The following APP variants were observed in gnomAD, a reference collection of about 807,000 sequenced individuals.
APP encodes the protein amyloid beta precursor protein.
Under a neutral mutation model 101.4 loss-of-function variants are expected in APP, and 31 were observed. That is an observed-to-expected ratio of 0.31 (90% CI 0.23 to 0.41). The LOEUF (loss-of-function observed/expected upper bound fraction) is 0.41. Ranked by LOEUF, APP falls within the 10% of genes least tolerant of loss-of-function variation. The pLI is 1.00. For missense variants in APP, 839 were observed against 1,003.7 expected, an observed-to-expected ratio of 0.84 and a Z score of 2.22; for synonymous variants, 366 against 364.4, an observed-to-expected ratio of 1.00 and a Z score of -0.05.
chr21:25,997,959 T>G (rs1568830376), intron 7 of APP, among the ~76,000 whole-genome samples: 1 of 152,182 alleles, frequency 6.6e-6, no homozygotes, highest in East Asian at 1.9e-4. Flanking sequence ...CTCAGCAAAC[T>G]GTGTGCCACC....
At chr21:26,093,440 T>A (rs1344012209) in intron 2 of APP, among the ~76,000 whole-genome samples, 1 of 152,182 alleles carries the variant, frequency 6.6e-6, no homozygotes, top group Non-Finnish European at 1.5e-5. Flanking sequence ...CACATCATGG[T>A]TCCCTCTATA....
rs34306486 is a variant in APP, at chr21:26,062,230, A to C, written c.356-8882T>G. Among the ~76,000 whole-genome samples, 1,029 of 145,114 alleles carry C rather than the reference A, an allele frequency of 7.1e-3. 4 individuals carry two copies. Among genetic ancestry groups the C allele is most frequent in the East Asian group, 0.032 (155 of 4,780 alleles). On this transcript the variant is annotated intron_variant, in intron 3 of 17. Coordinates refer to ENST00000346798, the MANE Select transcript of APP (RefSeq NM_000484.4). ...GTCTCAAAAAACAAACAAACAAACAAACACACACACACACACACACACACA... is the reference window on the plus strand; with the variant it reads ...GTCTCAAAAAACAAACAAACAAACACACACACACACACACACACACACACA...
chr21:26,112,698 T>C (rs1254861469), intron 1 of APP, among the ~76,000 whole-genome samples: 1 of 152,214 alleles, frequency 6.6e-6, no homozygotes, highest in African/African-American at 2.4e-5. Flanking sequence ...CATCCACAAA[T>C]ATAACTGAGT....
chr21:26,134,982 T>C (rs1347775366), intron 1 of APP, among the ~76,000 whole-genome samples: 1 of 152,208 alleles, frequency 6.6e-6, no homozygotes, highest in Non-Finnish European at 1.5e-5. Context: ...AATAAACTTC[T>C]CACCACTCCA....
chr21:26,057,460 C>T (rs1378719651), intron 3 of APP, among the ~76,000 whole-genome samples: 1 of 144,758 alleles, frequency 6.9e-6, no homozygotes, highest in Non-Finnish European at 1.5e-5. Flanking sequence ...ATATTCAAAA[C>T]GCATGTCACA....
rs143753222 is a variant in APP at position 26,139,661 on chromosome 21, G to A, written c.58-27515C>T. On this transcript the variant is annotated intron_variant, in intron 1 of 17. Transcript: ENST00000346798. ...CTGTATCCCAGCACTTTAGGAGGCC[G>A]AGGCAGGCAGATCACGAGGTCAAGA... Among the ~76,000 whole-genome samples, 307 of 152,284 alleles carry A rather than the reference G, an allele frequency of 2.0e-3. 5 individuals are homozygous for A. The East Asian group carries it at 0.024, about 12-fold the overall frequency.
intron 14 of APP, among the ~76,000 whole-genome samples, 178 bp from the exon 15 acceptor site, chr21:25,905,255 C>T (rs2038729650): frequency 1.3e-5 from 2 of 152,142 alleles, no homozygotes; most frequent in Admixed American, 1.3e-4. Context: ...CCAGGAGGGG[C>T]ACCACTTTAA....
In APP at chr21:26,170,723, C is replaced by T; in HGVS notation, c.-103G>A. 4 of 1,230,348 alleles carry T rather than the reference C, an allele frequency of 3.3e-6. No individual in the cohort carries two copies. Among genetic ancestry groups the T allele is most frequent in the Non-Finnish European group, 4.3e-6 (4 of 929,734 alleles). The allele number at this position is 1,230,348 out of a possible 1,614,324, so 76.2% of individuals were successfully genotyped here. A position where few individuals can be genotyped will look rare whatever the true frequency, so the allele number is the denominator to read the frequency against. On this transcript the variant is annotated 5_prime_UTR_variant, in exon 1 of 18. Transcript: ENST00000346798. ...CCGCCGCCGTCTCCCGGGGCCCCCGCGCACGCTCCTCCGCGTGCTCTCGCC... is the reference window on the plus strand; with the variant it reads ...CCGCCGCCGTCTCCCGGGGCCCCCGTGCACGCTCCTCCGCGTGCTCTCGCC...
intron 5 of APP, among the ~76,000 whole-genome samples, chr21:26,035,667 G>T (rs2146841627): frequency 6.6e-6 from 1 of 152,290 alleles, no homozygotes; most frequent in Non-Finnish European, 1.5e-5. Flanking sequence ...GGGGTTCCAG[G>T]ATCTGCTTTA....
At chr21:26,150,055 A>G (rs2063232650) in intron 1 of APP, among the ~76,000 whole-genome samples, 1 of 152,224 alleles carries the variant, frequency 6.6e-6, no homozygotes, top group African/African-American at 2.4e-5. Context: ...CGCAGGGGAA[A>G]AAACACAAAT....
Position 26,112,033 on chromosome 21 carries a change from T to C in APP, c.171A>G (p.Ser57=), listed in dbSNP as rs770316027. The C allele has an allele frequency of 1.2e-6, 2 of 1,614,192 alleles. No individual in the cohort carries two copies. The highest frequency in any genetic ancestry group is 2.2e-5 in the South Asian group (2 of 91,084). ...TGGTATCAATGCAGGTTTTGGTCCCTGATGGATCTGAATCCCACTTCCCAT... is the reference window on the plus strand; with the variant it reads ...TGGTATCAATGCAGGTTTTGGTCCCCGATGGATCTGAATCCCACTTCCCAT... ...VQNGKWDSDP[S]GTKTCIDTKE... The change falls in exon 2 of 18, where the codon TCA becomes TCG. Residue 57 remains serine (S), a synonymous_variant. Transcript: ENST00000346798.
At chr21:26,077,114 C>G (rs1299342884) in intron 3 of APP, among the ~76,000 whole-genome samples, 1 of 150,454 alleles carries the variant, frequency 6.6e-6, no homozygotes, top group Non-Finnish European at 1.5e-5. Context: ...CAGATTAAAA[C>G]AAATGTCTGG....
chr21:26,142,291 C>T (rs1359939076), intron 1 of APP, among the ~76,000 whole-genome samples: 5 of 152,160 alleles, frequency 3.3e-5, no homozygotes. Flanking sequence ...TAAGAGGCTG[C>T]ACCACCACAC....
intron 4 of APP, among the ~76,000 whole-genome samples, chr21:26,052,501 G>C (rs534221650): frequency 1.3e-3 from 193 of 152,284 alleles, no homozygotes; most frequent in African/African-American, 4.2e-3. Context: ...ACCTATCAAG[G>C]GGACACAGCA....
intron 3 of APP, among the ~76,000 whole-genome samples, chr21:26,070,839 A>G (rs2061398489): frequency 6.6e-6 from 1 of 152,204 alleles, no homozygotes. Flanking sequence ...ACTATTACCA[A>G]AGTGACAAGA....
intron 3 of APP, among the ~76,000 whole-genome samples, chr21:26,063,875 G>A (rs1224749567): frequency 6.6e-6 from 1 of 152,188 alleles, no homozygotes. Flanking sequence ...TTCAAGTGGA[G>A]AAACTCAACA....
At position 25,949,191 on chromosome 21, in the gene APP, G is replaced by A. The variant is rs533236498; in HGVS notation, c.1687+5399C>T. On this transcript the variant is annotated intron_variant, in intron 13 of 17. Transcript: ENST00000346798. Reference sequence around the variant, plus strand: ...AATATGAAATTATAAAATAAAACACGGGCCTTTTATAACACAACAGGACAC... The same window carrying A: ...AATATGAAATTATAAAATAAAACACAGGCCTTTTATAACACAACAGGACAC... Among the ~76,000 whole-genome samples the A allele has an allele frequency of 4.6e-5, 7 of 152,022 alleles. No individual in the cohort carries two copies. The East Asian group carries it at 7.7e-4, about 17-fold the overall frequency.
At chr21:26,017,162 A>G (rs1487855156) in intron 6 of APP, among the ~76,000 whole-genome samples, 8 of 136,504 alleles carry the variant, frequency 5.9e-5, no homozygotes, top group Admixed American at 3.3e-4. Flanking sequence ...TCGCACCACT[A>G]CACTCCAGCC....
rs370357653 is a variant in APP, at chr21:25,981,179, A to G, written c.1224+1165T>C. Among the ~76,000 whole-genome samples, 28 of 152,334 alleles carry G rather than the reference A, an allele frequency of 1.8e-4. No homozygotes were observed. In the South Asian group the frequency reaches 5.4e-3, roughly 29 times the overall value. On this transcript the variant is annotated intron_variant, in intron 9 of 17. Transcript: ENST00000346798. ...GGGAGGGAGGAATCTTCCTGGGGTC[A>G]GCAGGGACCCAGATCAGAAATTACA...
Sources: allele counts gnomAD v4.1 joint callset (sites outside exome capture counted in the v4.1 genomes callset), GRCh38; gene constraint gnomAD v4.1.1; transcripts MANE v1.5; gene names NCBI Gene and HGNC (gene_info 2026-07-23, HGNC 2026-07-21).